ENPEP: variants seen among roughly 807,000 people sequenced by gnomAD.
The protein encoded by ENPEP is AP-A.
In ENPEP, 103 loss-of-function variants were observed where a neutral mutation model predicts 114.5. That is an observed-to-expected ratio of 0.90 (90% CI 0.77 to 1.06). The LOEUF (loss-of-function observed/expected upper bound fraction) is 1.06, where lower values mean the gene tolerates loss of function less well. ENPEP is among the 50% of genes least tolerant of loss of function. ENPEP has a pLI of 0.00. For synonymous variants in ENPEP, 420 were observed against 422.0 expected, an observed-to-expected ratio of 1.00 and a Z score of 0.06; for missense variants, 1,196 against 1,161.3, an observed-to-expected ratio of 1.03 and a Z score of -0.43.
chr4:110,493,468 T>C (rs1724802132), intron 3 of ENPEP, among the ~76,000 whole-genome samples: 1 of 152,178 alleles, frequency 6.6e-6, no homozygotes, highest in Non-Finnish European at 1.5e-5. Flanking sequence ...CTTTTGAAAC[T>C]TCTCAGAGGC....
At chr4:110,534,011 C>T (rs1726511005) in intron 11 of ENPEP, among the ~76,000 whole-genome samples, 1 of 152,196 alleles carries the variant, frequency 6.6e-6, no homozygotes, top group Non-Finnish European at 1.5e-5. Context: ...TCTTTTTCTA[C>T]TTCAAAGTGT....
intron 8 of ENPEP, chr4:110,518,977 C>T: frequency 4.8e-6 from 2 of 417,948 alleles, no homozygotes; most frequent in Admixed American, 2.6e-5. Flanking sequence ...TTTGATTTAC[C>T]AAATATTCAA....
At position 110,529,448 on chromosome 4, in the gene ENPEP, G is replaced by T. The variant is rs142147147; in HGVS notation, c.1728-1750G>T. On this transcript the variant is annotated intron_variant, in intron 10 of 19. Transcript: ENST00000265162. ...CTTGTTAGAAAGTGTTTCCAGGAAA[G>T]ATCAGTGGGGGAGCAGGCAGTGGGA... 4.3e-3 allele frequency among the ~76,000 whole-genome samples: 652 copies of T among 152,294 alleles called. 7 individuals carry two copies. Among genetic ancestry groups the T allele is most frequent in the African/African-American group, 0.015 (620 of 41,552 alleles).
chr4:110,495,118 T>C (rs1211778174), intron 3 of ENPEP, among the ~76,000 whole-genome samples: 1 of 152,202 alleles, frequency 6.6e-6, no homozygotes. Flanking sequence ...AATAAGCATG[T>C]CATGAACATG....
Position 110,509,707 on chromosome 4 carries a change from T to C in ENPEP, c.1094T>C (p.Ile365Thr), listed in dbSNP as rs753810289. 5.6e-6 allele frequency: 9 copies of C among 1,614,210 alleles called. No homozygotes were observed. Among genetic ancestry groups the C allele is most frequent in the East Asian group, 2.2e-5 (1 of 44,880 alleles). Residue 365 changes from isoleucine to threonine, a missense_variant, in exon 5 of 20, where the codon ATC (isoleucine) becomes ACC (threonine). By Grantham distance (89) the Ile-to-Thr change is moderately conservative. Transcript: ENST00000265162. ...GTGAMENWGL[I>T]TYRETNLLYD... ...GGTGCCATGGAGAACTGGGGACTCA[T>C]CACGTACAGAGAAACGAACCTGCTT... is the stretch of plus-strand genomic sequence containing the variant.
intron 11 of ENPEP, among the ~76,000 whole-genome samples, chr4:110,536,219 G>C (rs1726619376): frequency 6.6e-6 from 1 of 151,784 alleles, no homozygotes; most frequent in Non-Finnish European, 1.5e-5. Flanking sequence ...AGCCAGGTGA[G>C]TCTAATTATT....
intron 13 of ENPEP, 128 bp downstream of exon 13, chr4:110,543,198 C>A: frequency 1.1e-6 from 1 of 895,154 alleles, no homozygotes; most frequent in Non-Finnish European, 1.7e-6. Context: ...CTATTTAAAA[C>A]ATTATTGTTT....
intron 8 of ENPEP, chr4:110,519,010 A>G (rs1278839207): frequency 2.2e-6 from 1 of 446,532 alleles, no homozygotes; most frequent in African/African-American, 2.0e-5. Flanking sequence ...GATATGATGA[A>G]TGATTTGTGC....
chr4:110,521,386 A>T (rs929644766), intron 10 of ENPEP, among the ~76,000 whole-genome samples: 5 of 151,298 alleles, frequency 3.3e-5, no homozygotes, highest in African/African-American at 1.2e-4. Flanking sequence ...CCCTAAAAAT[A>T]ATAAAATAAA....
chr4:110,544,924 A>T (rs1726996922), intron 13 of ENPEP, among the ~76,000 whole-genome samples: 2 of 152,160 alleles, frequency 1.3e-5, no homozygotes, highest in East Asian at 3.9e-4. Context: ...TTGAAATTCA[A>T]AACATATGTA....
chr4:110,550,277 G>A (rs1560570528), intron 17 of ENPEP, among the ~76,000 whole-genome samples: 1 of 152,102 alleles, frequency 6.6e-6, no homozygotes. Flanking sequence ...ACAAGGCTCT[G>A]TCTCTTATGC....
At chr4:110,525,080 G>T (rs552444644) in intron 10 of ENPEP, among the ~76,000 whole-genome samples, 2 of 152,286 alleles carry the variant, frequency 1.3e-5, no homozygotes, top group South Asian at 2.1e-4. Context: ...TTTATATATT[G>T]TAAAGGCTGA....
At chr4:110,493,488 G>A (rs962068324) in intron 3 of ENPEP, among the ~76,000 whole-genome samples, 2 of 152,146 alleles carry the variant, frequency 1.3e-5, no homozygotes, top group Non-Finnish European at 2.9e-5. Flanking sequence ...CTCTGAGCCA[G>A]AAAAATTACA....
rs1016344300 is a variant in ENPEP, at chr4:110,497,577, A to G, written c.918+6413A>G. On this transcript the variant is annotated intron_variant, in intron 3 of 19. Transcript: ENST00000265162. Reference sequence around the variant, plus strand: ...ACAACTTAAATTTTAACTTAAATGGAAAGTAAGTGGCCAATAAATGCTTTG... The same window carrying G: ...ACAACTTAAATTTTAACTTAAATGGGAAGTAAGTGGCCAATAAATGCTTTG... Among the ~76,000 whole-genome samples the G allele has an allele frequency of 4.6e-5, 7 of 152,166 alleles. No homozygotes were observed. The East Asian group carries it at 1.3e-3, about 29-fold the overall frequency.
intron 8 of ENPEP, among the ~76,000 whole-genome samples, chr4:110,516,068 A>G (rs1359689264): frequency 1.3e-5 from 2 of 152,222 alleles, no homozygotes; most frequent in African/African-American, 4.8e-5. Flanking sequence ...GATTCTTTCC[A>G]TAGCAACATG....
At chr4:110,478,637 C>A (rs1724200065) in intron 1 of ENPEP, among the ~76,000 whole-genome samples, 1 of 152,092 alleles carries the variant, frequency 6.6e-6, no homozygotes, top group Non-Finnish European at 1.5e-5. Context: ...CAGGGTCTTG[C>A]TATGTTGCCC....
At chr4:110,549,201 AATAC>A in intron 14 of ENPEP, 141 bp from the exon 15 acceptor site, 1 of 669,408 alleles carries the variant, frequency 1.5e-6, no homozygotes, top group South Asian at 2.1e-5. Context: ...ATAAAAATTA[AATAC>A]ATTGTTTTTC....
chr4:110,489,369 T>C (rs182354131), intron 2 of ENPEP, among the ~76,000 whole-genome samples: 4 of 151,574 alleles, frequency 2.6e-5, no homozygotes, highest in Non-Finnish European at 5.9e-5. Flanking sequence ...CAAGAACACA[T>C]GGACACAAGG....
At position 110,549,344 on chromosome 4, in the gene ENPEP, A is replaced by G. The variant is rs1371894557; in HGVS notation, c.2152-2A>G. On this transcript the variant is annotated splice_acceptor_variant, in intron 14 of 19. Coordinates refer to ENST00000265162, the MANE Select transcript of ENPEP (RefSeq NM_001977.4). LOFTEE classifies it high-confidence loss of function. ...TTATTGTACATAATACTTTTATTTC[A>G]GGAATACTTCCAAGGTCAAGTGAAG... is the stretch of plus-strand genomic sequence containing the variant. 6.2e-7 allele frequency: 1 copy of G among 1,611,472 alleles called. No individual in the cohort carries two copies. Among genetic ancestry groups the G allele is most frequent in the Admixed American group, 1.7e-5 (1 of 59,862 alleles).
Sources: gnomAD v4.1 joint callset for allele counts (sites outside exome capture counted in the v4.1 genomes callset) on GRCh38, gnomAD v4.1.1 for gene constraint, MANE v1.5 for transcripts, NCBI Gene and HGNC (gene_info 2026-07-23, HGNC 2026-07-21) for gene names.